The following PLEKHH3 variants were observed in gnomAD, a reference collection of about 807,000 sequenced individuals.
The protein encoded by PLEKHH3 is pleckstrin homology, MyTH4 and FERM domain containing H3, also known as pleckstrin homology domain-containing family H member 3.
PLEKHH3 carries 57 observed loss-of-function variants against 77.8 expected under a neutral mutation model. The observed-to-expected ratio is 0.73, with a 90% CI of 0.59 to 0.91. The LOEUF is 0.91. PLEKHH3 is among the 40% of genes least tolerant of loss of function. PLEKHH3 has a pLI of 0.00. For missense variants in PLEKHH3, 1,082 were observed against 1,091.2 expected (o/e 0.99, Z 0.12); for synonymous variants, 467 against 504.8 (o/e 0.93, Z 1.00).
At position 42,668,013 on chromosome 17, in the gene PLEKHH3, G is replaced by T; in HGVS notation, c.*114C>A. ...TACCCACACCCATTGTAGCCCTTGG[G>T]TGTGGGATGTGCCCTGTCCCTGCAG... On this transcript the variant is annotated 3_prime_UTR_variant, in exon 13 of 13. Coordinates refer to ENST00000591022, the MANE Select transcript of PLEKHH3 (RefSeq NM_024927.5). The T allele has an allele frequency of 1.2e-6, 1 of 857,758 alleles. No individual in the cohort carries two copies. Among genetic ancestry groups the T allele is most frequent in the Non-Finnish European group, 1.6e-6 (1 of 644,300 alleles). 53.1% of individuals were successfully genotyped at this position (857,758 alleles called of 1,614,324 possible). A position where few individuals can be genotyped will look rare whatever the true frequency, so the allele number is the denominator to read the frequency against.
chr17:42,676,958 G>C lies in PLEKHH3; in HGVS notation c.-395C>G, dbSNP rs2052840935. On this transcript the variant is annotated 5_prime_UTR_variant, in exon 1 of 13. Coordinates refer to ENST00000591022, the MANE Select transcript of PLEKHH3 (RefSeq NM_024927.5). This position sits in a 1 kb window ranked among gnomAD's most constrained non-coding sequence, Gnocchi z 6.6. Reference sequence around the variant, plus strand: ...GTAGGGCGTCCGGTGGCCGGGGCCCGGGCCGCGCGCGCTGCGCTCCCTGCA... The same window carrying C: ...GTAGGGCGTCCGGTGGCCGGGGCCCCGGCCGCGCGCGCTGCGCTCCCTGCA... 1 of 176,380 alleles carries C rather than the reference G, an allele frequency of 5.7e-6. No homozygotes were observed. Among genetic ancestry groups the C allele is most frequent in the Non-Finnish European group, 1.2e-5 (1 of 84,566 alleles). The allele number at this position is 176,380 out of a possible 1,614,324, so 10.9% of individuals were successfully genotyped here. A position where few individuals can be genotyped will look rare whatever the true frequency, so the allele number is the denominator to read the frequency against.
Position 42,670,293 on chromosome 17 carries a change from C to G in PLEKHH3, c.1638G>C (p.Leu546=). The G allele has an allele frequency of 7.4e-7, 1 of 1,343,048 alleles. No individual in the cohort carries two copies. Among genetic ancestry groups the G allele is most frequent in the Non-Finnish European group, 9.5e-7 (1 of 1,052,994 alleles). The allele number at this position is 1,343,048 out of a possible 1,614,324, so 83.2% of individuals were successfully genotyped here. Residue 546 remains leucine, a synonymous_variant, in exon 11 of 13, where the codon CTG becomes CTC. Coordinates refer to ENST00000591022, the MANE Select transcript of PLEKHH3 (RefSeq NM_024927.5). ...GCACCCGCGGAGAGAAGTCCCGCTG[C>G]AGGCTCTGCAGGCGCAGCGCCGCCA... The part of the protein sequence containing the change: ...RALAALRLQS[L]QRDFSPRVPL...
Position 42,675,483 on chromosome 17 carries a change from C to A in PLEKHH3, c.162+919G>T, listed in dbSNP as rs181017885. Among the ~76,000 whole-genome samples the A allele has an allele frequency of 6.1e-4, 93 of 152,252 alleles. No homozygotes were observed. The Middle Eastern group carries it at 0.01, about 17-fold the overall frequency. On this transcript the variant is annotated intron_variant, in intron 1 of 12. Coordinates refer to ENST00000591022, the MANE Select transcript of PLEKHH3 (RefSeq NM_024927.5). ...TACTGACCACCCTCTTAGGCTAACT[C>A]CCCTAATCGCAGTGCCCTGCTTCCC...
chr17:42,676,465 C>CCCGTCCCCGCTAAGCTCG lies in PLEKHH3; in HGVS notation c.81_98dup (p.Glu28_Gly33dup). 1.2e-6 allele frequency: 2 copies of CCCGTCCCCGCTAAGCTCG among 1,613,014 alleles called. No individual in the cohort carries two copies. ...AGGTTTCCTCGTCCTCGTCCTCGTC[C>CCCGTCCCCGCTAAGCTCG]CCGTCCCCGCTAAGCTCGCCGTCCC... On this transcript the variant is annotated inframe_insertion, in exon 1 of 13. Transcript: ENST00000591022. The surrounding 1 kb of genome is among the most constrained non-coding windows in gnomAD (Gnocchi z 6.6).
intron 2 of PLEKHH3, 90 bp from the exon 3 acceptor site, chr17:42,674,103 C>T (rs1357146424): frequency 3.6e-6 from 5 of 1,380,344 alleles, no homozygotes; most frequent in African/African-American, 2.9e-5. Flanking sequence ...GGTGTCTGCT[C>T]CCAAGCTGGG....
chr17:42,674,782 GT>G (rs2052786820), intron 1 of PLEKHH3: 1 of 228,406 alleles, frequency 4.4e-6, no homozygotes, highest in African/African-American at 2.2e-5. Flanking sequence ...CCGGGCCTTA[GT>G]TTCCCCATCT....
chr17:42,672,086 C>T lies in PLEKHH3; in HGVS notation c.1076G>A (p.Arg359Lys), dbSNP rs2143580083. ...VRGHLLGHLE[R>K]TEQALPDSEL... Reference sequence around the variant, plus strand: ...GTAACCCCCACCTCGCCCCTCTCACCTCTCCAAGTGCCCCAGGAGGTGCCC... The same window carrying T: ...GTAACCCCCACCTCGCCCCTCTCACTTCTCCAAGTGCCCCAGGAGGTGCCC... Residue 359 changes from arginine (R) to lysine (K), a missense_variant and splice_region_variant, in exon 7 of 13, where the codon AGG becomes AAG. Arg to Lys is a conservative substitution (Grantham distance 26, BLOSUM62 2). Transcript: ENST00000591022. 1.4e-6 allele frequency: 2 copies of T among 1,475,196 alleles called. No homozygotes were observed. Among genetic ancestry groups the T allele is most frequent in the Non-Finnish European group, 1.8e-6 (2 of 1,107,326 alleles). 91.4% of individuals were successfully genotyped at this position (1,475,196 alleles called of 1,614,324 possible). A position where few individuals can be genotyped will look rare whatever the true frequency, so the allele number is the denominator to read the frequency against.
At chr17:42,669,847 G>A (rs1169175198) in intron 11 of PLEKHH3, 71 bp downstream of exon 11, 2 of 1,584,640 alleles carry the variant, frequency 1.3e-6, no homozygotes, top group Non-Finnish European at 1.7e-6. Flanking sequence ...ACACTCCGTG[G>A]GACCTGTGGC....
rs2052712321 is a variant in PLEKHH3, at chr17:42,672,002, C to T, written c.1076+84G>A. ...ATGTATTACTCGGTTCTTTACCTACCAAGTCTTTTGCAAAAGACCTTTCAT... is the reference window on the plus strand; with the variant it reads ...ATGTATTACTCGGTTCTTTACCTACTAAGTCTTTTGCAAAAGACCTTTCAT... On this transcript the variant is annotated intron_variant, in intron 7 of 12. Transcript: ENST00000591022. 12 of 1,162,126 alleles carry T rather than the reference C, an allele frequency of 1.0e-5. No homozygotes were observed. In the East Asian group the frequency reaches 3.1e-4, roughly 30 times the overall value. The allele number at this position is 1,162,126 out of a possible 1,614,324, so 72.0% of individuals were successfully genotyped here.
rs1284180159 is a variant in PLEKHH3 at position 42,668,022 on chromosome 17, G to A, written c.*105C>T. The A allele has an allele frequency of 5.1e-6, 5 of 986,562 alleles. No individual in the cohort carries two copies. Among genetic ancestry groups the A allele is most frequent in the South Asian group, 9.3e-5 (2 of 21,422 alleles). The allele number at this position is 986,562 out of a possible 1,614,324, so 61.1% of individuals were successfully genotyped here. Reference sequence around the variant, plus strand: ...CCATTGTAGCCCTTGGGTGTGGGATGTGCCCTGTCCCTGCAGGGCCAAAAG... The same window carrying A: ...CCATTGTAGCCCTTGGGTGTGGGATATGCCCTGTCCCTGCAGGGCCAAAAG... On this transcript the variant is annotated 3_prime_UTR_variant, in exon 13 of 13. Coordinates refer to ENST00000591022, the MANE Select transcript of PLEKHH3 (RefSeq NM_024927.5).
At position 42,672,282 on chromosome 17, in the gene PLEKHH3, A is replaced by C; in HGVS notation, c.880T>G (p.Cys294Gly). 6.4e-7 allele frequency: 1 copy of C among 1,550,414 alleles called. No homozygotes were observed. The highest frequency in any genetic ancestry group is 8.7e-7 in the Non-Finnish European group (1 of 1,146,922). ...TCCCGGAGCGCGGGCAAGTCCCGGC[A>C]GGTTTGGAGCACACCCTGCATCAAG... The part of the protein sequence containing the change: ...GPLMQGVLQT[C>G]RDLPALRDEL... The change falls in exon 7 of 13, where the codon TGC becomes GGC. Residue 294 changes from cysteine to glycine, a missense_variant. By Grantham distance (159) the Cys-to-Gly change is radical. This residue lies in a region of PLEKHH3 where 733 missense variants were observed against 750.0 expected (regional missense o/e 0.98). Coordinates refer to ENST00000591022, the MANE Select transcript of PLEKHH3 (RefSeq NM_024927.5).
chr17:42,675,213 C>T (rs1178748820), intron 1 of PLEKHH3, among the ~76,000 whole-genome samples: 1 of 152,160 alleles, frequency 6.6e-6, no homozygotes, highest in Non-Finnish European at 1.5e-5. Flanking sequence ...GTGCCATCCT[C>T]ATATTGCTCC....
intron 11 of PLEKHH3, 90 bp from the exon 12 acceptor site, chr17:42,669,711 C>T: frequency 6.8e-7 from 1 of 1,469,928 alleles, no homozygotes; most frequent in Non-Finnish European, 9.2e-7. Context: ...CAGGAGTATC[C>T]TGATCCCCCT....
chr17:42,674,076 G>T, intron 2 of PLEKHH3, 63 bp from the exon 3 acceptor site: 1 of 1,540,186 alleles, frequency 6.5e-7, no homozygotes, highest in South Asian at 1.1e-5. Context: ...CTCTGTAGGG[G>T]CTCCCCAGAC....
chr17:42,674,539 G>T, intron 1 of PLEKHH3, 130 bp from the exon 2 acceptor site: 1 of 762,432 alleles, frequency 1.3e-6, no homozygotes, highest in African/African-American at 1.8e-5. Flanking sequence ...TCGTGACTAG[G>T]GTGGAGCACG....
intron 6 of PLEKHH3, 99 bp from the exon 7 acceptor site, chr17:42,672,491 A>T: frequency 3.7e-5 from 33 of 890,034 alleles, no homozygotes; most frequent in East Asian, 9.5e-5. Context: ...AGGGAATATA[A>T]GGGGATGGGG....
chr17:42,668,384 C>T (rs1469194917), intron 12 of PLEKHH3, 81 bp from the exon 13 acceptor site: 19 of 1,288,706 alleles, frequency 1.5e-5, no homozygotes, highest in Non-Finnish European at 1.9e-5. Flanking sequence ...GGCTCTAGGG[C>T]TCCAGCTTCC....
chr17:42,673,274 G>T lies in PLEKHH3; in HGVS notation c.671C>A (p.Ala224Asp), dbSNP rs767931188. 1.9e-6 allele frequency: 3 copies of T among 1,599,054 alleles called. No homozygotes were observed. In the South Asian group the frequency reaches 3.4e-5, roughly 18 times the overall value. Reference sequence around the variant, plus strand: ...GTTCCTCAGGTAAATGAGGGCAACGGCCTCTGGGTCCCCGCAACTTTCCTA... The same window carrying T: ...GTTCCTCAGGTAAATGAGGGCAACGTCCTCTGGGTCCCCGCAACTTTCCTA... Reference protein sequence around the residue: ...DIQESCGDPEAVALIYLRNPI... With the variant: ...DIQESCGDPEDVALIYLRNPI... Residue 224 changes from alanine to aspartate, a missense_variant, in exon 6 of 13, where the codon GCC becomes GAC. Physicochemically the swap from Ala to Asp is moderately radical, Grantham distance 126. Coordinates refer to ENST00000591022, the MANE Select transcript of PLEKHH3 (RefSeq NM_024927.5).
At position 42,670,690 on chromosome 17, in the gene PLEKHH3, T is replaced by G. The variant is rs752230687; in HGVS notation, c.1437A>C (p.Glu479Asp). 1 of 1,612,482 alleles carries G rather than the reference T, an allele frequency of 6.2e-7. No homozygotes were observed. Among genetic ancestry groups the G allele is most frequent in the Non-Finnish European group, 8.5e-7 (1 of 1,179,490 alleles). The change falls in exon 10 of 13, where the codon GAA (glutamate) becomes GAC (aspartate). Residue 479 changes from glutamate (E) to aspartate (D), a missense_variant. Physicochemically the swap from Glu to Asp is conservative, Grantham distance 45. Coordinates refer to ENST00000591022, the MANE Select transcript of PLEKHH3 (RefSeq NM_024927.5). The part of the protein sequence containing the change: ...LTRFENLAAE[E>D]AGLEDSPDSG... ...AGTCGGGCGAGTCCTCCAACCCAGC[T>G]TCCTCCGCGGCCAAGCTGCAGAAGA...
Sources: gnomAD v4.1 joint callset for allele counts (sites outside exome capture counted in the v4.1 genomes callset) on GRCh38, gnomAD v4.1.1 for gene constraint, gnomAD v4.1.1 regional missense constraint, Gnocchi (gnomAD v3.1) non-coding constraint, MANE v1.5 for transcripts, NCBI Gene and HGNC (gene_info 2026-07-23, HGNC 2026-07-21) for gene names.